C4orf50: variants seen among roughly 807,000 people sequenced by gnomAD.
C4orf50 encodes uncharacterized protein C4orf50.
Under a neutral mutation model 77.2 loss-of-function variants are expected in C4orf50, and 80 were observed. The ratio of observed to expected loss-of-function variants is 1.04; its 90% confidence interval spans 0.87 to 1.25. The LOEUF (loss-of-function observed/expected upper bound fraction) is 1.25, where lower values mean the gene tolerates loss of function less well. Among genes scored for constraint, C4orf50 ranks in the 50% most tolerant of loss-of-function variants. The pLI is 0.00. For synonymous variants in C4orf50, 532 were observed against 465.3 expected (o/e 1.14, Z -1.84); for missense variants, 1,257 against 1,152.9 (o/e 1.09, Z -1.31).
At chr4:5,966,332 A>G (rs537698334) in intron 32 of C4orf50, among the ~76,000 whole-genome samples, 3 of 152,178 alleles carry the variant, frequency 2.0e-5, no homozygotes, top group Non-Finnish European at 4.4e-5. Context: ...AAAATTAGCC[A>G]GGCATGATAG....
At chr4:5,917,953 T>A (rs554611726) in intron 7 of C4orf50, among the ~76,000 whole-genome samples, 2 of 152,062 alleles carry the variant, frequency 1.3e-5, no homozygotes, top group Non-Finnish European at 2.9e-5. Context: ...CGGCTGGTCA[T>A]TCATCAGAGA....
chr4:6,001,651 G>A (rs749947603), intron 25 of C4orf50, among the ~76,000 whole-genome samples: 1 of 152,212 alleles, frequency 6.6e-6, no homozygotes, highest in Non-Finnish European at 1.5e-5. Context: ...GAGAGTCAGT[G>A]CTATCTTCCC....
intron 7 of C4orf50, among the ~76,000 whole-genome samples, chr4:5,930,768 C>T (rs759220925): frequency 1.3e-5 from 2 of 152,222 alleles, no homozygotes. Flanking sequence ...CAGTGTGCGT[C>T]TCCCCTGGGA....
intron 33 of C4orf50, among the ~76,000 whole-genome samples, chr4:5,963,104 C>T (rs1251941522): frequency 1.3e-5 from 2 of 151,376 alleles, no homozygotes; most frequent in Non-Finnish European, 2.9e-5. Context: ...CAGGTTCAAG[C>T]AATTCTGCCT....
chr4:5,975,492 G>T (rs1267517992), intron 30 of C4orf50, among the ~76,000 whole-genome samples: 1 of 109,274 alleles, frequency 9.2e-6, no homozygotes, highest in Non-Finnish European at 1.8e-5. Context: ...CTTCTTTGCG[G>T]TTTTTTTGTT....
At chr4:6,004,429 G>T (rs367909037) in intron 25 of C4orf50, among the ~76,000 whole-genome samples, 1 of 91,766 alleles carries the variant, frequency 1.1e-5, no homozygotes. Flanking sequence ...GATGGTGATG[G>T]TGGTGATGAT....
At chr4:5,989,871 C>A in exon 28 of C4orf50, 5 of 1,446,612 alleles carry the variant, frequency 3.5e-6, no homozygotes, top group Non-Finnish European at 3.6e-6. Flanking sequence ...CTTCCTCTAG[C>A]CCTTTGTCCT....
chr4:5,918,776 G>T (rs1443609937), intron 7 of C4orf50, among the ~76,000 whole-genome samples: 3 of 152,170 alleles, frequency 2.0e-5, no homozygotes, highest in African/African-American at 7.2e-5. Flanking sequence ...CCACTGCAGG[G>T]GTCAGCCAGG....
rs1717191845 is a variant in C4orf50 at position 5,919,981 on chromosome 4, C to T, written c.*2475-21793G>A. ...TCTTGTCATCATTCCCTCAACAACA[C>T]AGTATGACAACTACTTATAGAGCAT... On this transcript the variant is annotated intron_variant, in intron 7 of 7. Coordinates refer to the C4orf50 transcript ENST00000324058. This position sits in a 1 kb window ranked among gnomAD's most constrained non-coding sequence, Gnocchi z 6.5. Among the ~76,000 whole-genome samples, 1 of 152,198 alleles carries T rather than the reference C, an allele frequency of 6.6e-6. No individual in the cohort carries two copies. Among genetic ancestry groups the T allele is most frequent in the African/African-American group, 2.4e-5 (1 of 41,444 alleles).
chr4:5,935,638 T>G (rs1303344253), intron 7 of C4orf50, among the ~76,000 whole-genome samples: 2 of 151,740 alleles, frequency 1.3e-5, no homozygotes, highest in East Asian at 3.9e-4. Flanking sequence ...ATACAAAAAT[T>G]AGCTGGGTGT....
chr4:5,994,271 A>T (rs557827363), intron 26 of C4orf50, 76 bp downstream of exon 4: 2 of 398,544 alleles, frequency 5.0e-6, no homozygotes, highest in East Asian at 7.1e-5. Context: ...TCGGGACATG[A>T]TAAGGAGGAA....
chr4:5,988,350 G>A lies in C4orf50; in HGVS notation c.3696C>T (p.Pro1232=), dbSNP rs992190718. ...CAGATATGCAGACCCAACCTACCAT[G>A]GGGCCATTGCTCAGGGAGCTCAGAG... Residue 1232 remains proline (P), a synonymous_variant, in exon 28 of 34, where the codon CCC becomes CCT. Transcript: ENST00000531445. The A allele has an allele frequency of 2.5e-6, 4 of 1,613,536 alleles. No individual in the cohort carries two copies. The African/African-American group carries it at 5.3e-5, about 22-fold the overall frequency.
chr4:5,993,871 A>C (rs555440643), intron 26 of C4orf50, among the ~76,000 whole-genome samples: 12,730 of 149,680 alleles, frequency 0.085, 632 homozygotes, highest in African/African-American at 0.15. Context: ...AAAAAAAAAG[A>C]GAGAGAGAGA....
intron 32 of C4orf50, among the ~76,000 whole-genome samples, chr4:5,965,482 G>A (rs1472562843): frequency 1.3e-5 from 2 of 152,238 alleles, no homozygotes; most frequent in Non-Finnish European, 2.9e-5. Flanking sequence ...ACCTATGTGG[G>A]ATCTGGCATG....
At chr4:5,988,221 A>T in intron 28 of C4orf50, 126 bp downstream of exon 6, 1 of 1,253,852 alleles carries the variant, frequency 8.0e-7, no homozygotes, top group Non-Finnish European at 1.1e-6. Flanking sequence ...ACCTCCTCTC[A>T]TCTGGTAAGT....
intron 7 of C4orf50, chr4:5,903,497 A>C (rs937556356): frequency 6.6e-6 from 1 of 152,208 alleles, no homozygotes; most frequent in Non-Finnish European, 1.5e-5. Flanking sequence ...ACATGCTGCC[A>C]CATGAACCTC....
chr4:5,956,084 G>C (rs991415037), downstream of C4orf50, among the ~76,000 whole-genome samples: 2 of 152,216 alleles, frequency 1.3e-5, no homozygotes, highest in Non-Finnish European at 2.9e-5. Flanking sequence ...TAGGTTGTGA[G>C]AAGTGTGTGG....
chr4:5,932,734 A>G lies in C4orf50; in HGVS notation c.*2474+24167T>C, dbSNP rs1049924617. ...TGAGATAACAGGTGTGAGTCACTGC[A>G]CCCACATTACAGTATTAAAAAAGCA... On this transcript the variant is annotated intron_variant, in intron 7 of 7. Coordinates refer to the C4orf50 transcript ENST00000324058. The surrounding 1 kb of genome is among the most constrained non-coding windows in gnomAD (Gnocchi z 4.2). 1.3e-5 allele frequency among the ~76,000 whole-genome samples: 2 copies of G among 152,152 alleles called. No individual in the cohort carries two copies. The highest frequency in any genetic ancestry group is 2.9e-5 in the Non-Finnish European group (2 of 68,018).
exon 34 of C4orf50, chr4:5,959,602 G>A: frequency 6.2e-7 from 1 of 1,614,058 alleles, no homozygotes; most frequent in South Asian, 1.1e-5. Flanking sequence ...CCAGGATCAA[G>A]CGTGGACACC....
Sources: gnomAD v4.1 joint callset for allele counts (sites outside exome capture counted in the v4.1 genomes callset) on GRCh38, gnomAD v4.1.1 for gene constraint, Gnocchi (gnomAD v3.1) non-coding constraint, MANE v1.5 for transcripts, NCBI Gene and HGNC (gene_info 2026-07-23, HGNC 2026-07-21) for gene names.